LARGE1: variants seen among roughly 807,000 people sequenced by gnomAD.
The protein encoded by LARGE1 is LARGE xylosyl- and glucuronyltransferase 1, also known as xylosyl- and glucuronyltransferase LARGE1.
LARGE1 carries 43 observed loss-of-function variants against 87.6 expected under a neutral mutation model. That is an observed-to-expected ratio of 0.49 (90% CI 0.38 to 0.63). The LOEUF (loss-of-function observed/expected upper bound fraction) is 0.63, where lower values mean the gene tolerates loss of function less well. Among genes scored for constraint, LARGE1 ranks in the 30% least tolerant of loss-of-function variants. The pLI is 0.00. For missense variants in LARGE1, 802 were observed against 1,000.2 expected, an observed-to-expected ratio of 0.80 and a Z score of 2.67; for synonymous variants, 434 against 394.6, an observed-to-expected ratio of 1.10 and a Z score of -1.18.
rs141871653 is a variant in LARGE1, at chr22:33,528,016, C to T, written c.787+36832G>A. 3.4e-3 allele frequency among the ~76,000 whole-genome samples: 515 copies of T among 151,302 alleles called. 6 individuals are homozygous for T. The highest frequency in any genetic ancestry group is 0.022 in the South Asian group (104 of 4,788). ...ATATTAATATTGATCTCTCAGGCTGCTGGAAAGATTAAACGAGAAAAAAAC... is the reference window on the plus strand; with the variant it reads ...ATATTAATATTGATCTCTCAGGCTGTTGGAAAGATTAAACGAGAAAAAAAC... On this transcript the variant is annotated intron_variant, in intron 6 of 14. Transcript: ENST00000397394.
chr22:33,069,816 CT>C, the LARGE1 span, among the ~76,000 whole-genome samples: 190 of 126,742 alleles, frequency 1.5e-3, no homozygotes, highest in Middle Eastern at 8.8e-3. Context: ...TTATTACATT[CT>C]TTTTTTTTTT....
chr22:33,850,645 A>G (rs182382601), intron 1 of LARGE1, among the ~76,000 whole-genome samples: 29 of 152,320 alleles, frequency 1.9e-4, no homozygotes, highest in Non-Finnish European at 3.5e-4. Flanking sequence ...CCCCTCTTTA[A>G]TACGGTAGAC....
intron 11 of LARGE1, among the ~76,000 whole-genome samples, chr22:33,187,427 T>A (rs1372674859): frequency 6.6e-6 from 1 of 152,152 alleles, no homozygotes; most frequent in African/African-American, 2.4e-5. Flanking sequence ...ATATGTGGAA[T>A]CTAAATAAGT....
chr22:33,626,424 T>C (rs562397887), intron 3 of LARGE1, 98 bp from the exon 4 acceptor site: 3 of 903,118 alleles, frequency 3.3e-6, no homozygotes, highest in South Asian at 2.8e-5. Context: ...CCCTGATTTC[T>C]TGTTGGCATC....
chr22:33,093,804 CT>C, the LARGE1 span, among the ~76,000 whole-genome samples: 6 of 128,338 alleles, frequency 4.7e-5, no homozygotes, highest in East Asian at 2.2e-4. Context: ...GTCCTTGATT[CT>C]TTTTTTTTCT....
At chr22:33,586,348 C>T (rs2078672415) in intron 5 of LARGE1, among the ~76,000 whole-genome samples, 1 of 152,170 alleles carries the variant, frequency 6.6e-6, no homozygotes, top group African/African-American at 2.4e-5. Flanking sequence ...CAATGACACC[C>T]ATGATAGTCA....
intron 6 of LARGE1, among the ~76,000 whole-genome samples, chr22:33,435,656 C>T (rs551225569): frequency 1.3e-5 from 2 of 152,192 alleles, no homozygotes; most frequent in East Asian, 3.9e-4. Context: ...ACTTGGGGTG[C>T]TCTACATAAG....
At chr22:33,604,376 C>T (rs2079192596) in intron 5 of LARGE1, 59 bp downstream of exon 5, 30 of 1,611,038 alleles carry the variant, frequency 1.9e-5, no homozygotes, top group African/African-American at 2.7e-5. Flanking sequence ...TGCTCAACCA[C>T]AAGTAATAAC....
chr22:33,722,226 C>T (rs113222272), intron 2 of LARGE1, among the ~76,000 whole-genome samples: 4,422 of 140,476 alleles, frequency 0.031, 174 homozygotes, highest in South Asian at 0.2. Flanking sequence ...GCCCTCTAGC[C>T]TGGGAGGGAG....
chr22:33,364,685 T>C (rs1028804223), intron 9 of LARGE1, among the ~76,000 whole-genome samples: 4 of 152,212 alleles, frequency 2.6e-5, no homozygotes, highest in South Asian at 2.1e-4. Context: ...CTAAGCATAA[T>C]GTCCTCAAAG....
intron 1 of LARGE1, among the ~76,000 whole-genome samples, chr22:33,796,723 G>A (rs952123542): frequency 1.3e-5 from 2 of 151,278 alleles, no homozygotes; most frequent in Non-Finnish European, 2.9e-5. Context: ...AGGTGGAGGA[G>A]GAGGGGAGAT....
rs192978881 is a variant in LARGE1, at chr22:33,264,072, G to C, written c.1730+40157C>G. On this transcript the variant is annotated intron_variant, in intron 11 of 11. Coordinates refer to the LARGE1 transcript ENST00000608642. ...TAGAACTATGACTGAAGCATAGCAA[G>C]GACTGCCCAAGTGCTTGCTAACATA... 2.6e-5 allele frequency among the ~76,000 whole-genome samples: 4 copies of C among 152,298 alleles called. No homozygotes were observed. The East Asian group carries it at 7.7e-4, about 29-fold the overall frequency.
chr22:33,422,128 G>C (rs542335198), intron 7 of LARGE1, among the ~76,000 whole-genome samples: 1 of 152,302 alleles, frequency 6.6e-6, no homozygotes, highest in South Asian at 2.1e-4. Context: ...TTGAACACTG[G>C]CAACACCTCC....
chr22:33,683,671 A>C (rs1159703268), intron 2 of LARGE1, among the ~76,000 whole-genome samples: 4 of 151,838 alleles, frequency 2.6e-5, no homozygotes, highest in Non-Finnish European at 5.9e-5. Context: ...TAGACAGAAG[A>C]TAGATGGAGA....
At chr22:33,685,920 T>C (rs1455914067) in intron 2 of LARGE1, among the ~76,000 whole-genome samples, 2 of 152,200 alleles carry the variant, frequency 1.3e-5, no homozygotes, top group East Asian at 1.9e-4. Context: ...ACCCCACCTG[T>C]TGTGAGGCTC....
chr22:33,310,591 C>T lies in LARGE1; in HGVS notation c.1451+5494G>A, dbSNP rs944388179. 4.6e-5 allele frequency among the ~76,000 whole-genome samples: 7 copies of T among 152,268 alleles called. No homozygotes were observed. In the East Asian group the frequency reaches 7.7e-4, roughly 17 times the overall value. On this transcript the variant is annotated intron_variant, in intron 11 of 14. Coordinates refer to ENST00000397394, the MANE Select transcript of LARGE1 (RefSeq NM_133642.5). Reference sequence around the variant, plus strand: ...CTCTCCTAATTCGTTGTGGCATTCACGTAGGGCCTACTTCTGACTCGAAGG... The same window carrying T: ...CTCTCCTAATTCGTTGTGGCATTCATGTAGGGCCTACTTCTGACTCGAAGG...
intron 1 of LARGE1, among the ~76,000 whole-genome samples, chr22:33,843,840 G>T (rs946928996): frequency 6.6e-6 from 1 of 152,060 alleles, no homozygotes; most frequent in Non-Finnish European, 1.5e-5. Context: ...TTTCCTAAGA[G>T]GCCAAGGCGG....
At chr22:33,510,869 G>C (rs2071024340) in intron 6 of LARGE1, among the ~76,000 whole-genome samples, 1 of 152,204 alleles carries the variant, frequency 6.6e-6, no homozygotes, top group Non-Finnish European at 1.5e-5. Flanking sequence ...TTACAGGCGT[G>C]AGCTACCACA....
At chr22:33,764,992 C>G (rs1196189259) in intron 1 of LARGE1, among the ~76,000 whole-genome samples, 1 of 152,132 alleles carries the variant, frequency 6.6e-6, no homozygotes, top group African/African-American at 2.4e-5. Flanking sequence ...ATTAAAATCA[C>G]AATTTTTGTT....
Sources: allele counts gnomAD v4.1 joint callset (sites outside exome capture counted in the v4.1 genomes callset), GRCh38; gene constraint gnomAD v4.1.1; transcripts MANE v1.5; gene names NCBI Gene and HGNC (gene_info 2026-07-23, HGNC 2026-07-21).